Variants in POLK observed in about 807,000 individuals in gnomAD.
POLK encodes polymerase (DNA directed) kappa.
A neutral mutation model predicts 94.0 loss-of-function variants in POLK; 76 were observed. The observed-to-expected ratio is 0.81, with a 90% CI of 0.67 to 0.98. The LOEUF is 0.98. Ranked by LOEUF, POLK falls within the 50% of genes least tolerant of loss-of-function variation. The pLI, the probability that POLK is intolerant of heterozygous loss-of-function variation, is 0.00. For missense variants in POLK, 954 were observed against 1,010.1 expected, an observed-to-expected ratio of 0.94 and a Z score of 0.75; for synonymous variants, 349 against 325.4, an observed-to-expected ratio of 1.07 and a Z score of -0.78.
chr5:75,517,935 A>G (rs2112525271), intron 1 of POLK, among the ~76,000 whole-genome samples: 1 of 152,334 alleles, frequency 6.6e-6, no homozygotes, highest in Middle Eastern at 3.4e-3. Flanking sequence ...GTGATGTATC[A>G]TGTTTATTGA....
intron 7 of POLK, chr5:75,582,198 A>G: frequency 4.6e-6 from 4 of 874,252 alleles, no homozygotes; most frequent in Non-Finnish European, 5.5e-6. Context: ...ACAAATTTAC[A>G]TATGTTGATA....
intron 10 of POLK, among the ~76,000 whole-genome samples, chr5:75,588,097 GA>G (rs376262445): frequency 0.016 from 2,296 of 147,932 alleles, 57 homozygotes; most frequent in African/African-American, 0.051. Context: ...AAGAGAGAGA[GA>G]AAAAAAAAAT....
chr5:75,511,865 G>A, exon 1 of POLK: 1 of 1,525,950 alleles, frequency 6.6e-7, no homozygotes, highest in Non-Finnish European at 8.8e-7. Context: ...GCGTTGGTCC[G>A]TCGCTCGCGC....
Position 75,586,417 on chromosome 5 carries a change from A to G in POLK, c.1227-609A>G, listed in dbSNP as rs1238427944. 2.6e-5 allele frequency among the ~76,000 whole-genome samples: 4 copies of G among 152,166 alleles called. No homozygotes were observed. The South Asian group carries it at 6.2e-4, about 24-fold the overall frequency. On this transcript the variant is annotated intron_variant, in intron 9 of 14. Coordinates refer to ENST00000241436, the Ensembl canonical transcript of POLK. ...CAAGTTCTAGAACAGTGCTTGAATC[A>G]TAATAGGTTCACTAAATATTTGGAA... is the stretch of plus-strand genomic sequence containing the variant.
At chr5:75,545,800 G>A (rs904513342) in intron 1 of POLK, among the ~76,000 whole-genome samples, 5 of 152,186 alleles carry the variant, frequency 3.3e-5, no homozygotes, top group African/African-American at 4.8e-5. Flanking sequence ...GGGTAGAAAC[G>A]TAAGTTTTCT....
downstream of POLK, among the ~76,000 whole-genome samples, chr5:75,604,904 C>T (rs747895122): frequency 1.3e-5 from 2 of 152,136 alleles, no homozygotes; most frequent in African/African-American, 2.4e-5. Context: ...ATCATGGTGA[C>T]TATTGGCAAC....
intron 4 of POLK, among the ~76,000 whole-genome samples, chr5:75,570,171 G>A (rs928475489): frequency 6.6e-6 from 1 of 152,188 alleles, no homozygotes; most frequent in Non-Finnish European, 1.5e-5. Context: ...GTTAGGAACT[G>A]CTGCTTTAAG....
At chr5:75,523,982 T>G (rs1390016101) in intron 1 of POLK, among the ~76,000 whole-genome samples, 1 of 151,948 alleles carries the variant, frequency 6.6e-6, no homozygotes, top group Non-Finnish European at 1.5e-5. Flanking sequence ...ATGCAAAAAT[T>G]AGCCAGATGT....
intron 3 of POLK, among the ~76,000 whole-genome samples, chr5:75,563,148 G>A (rs1397827076): frequency 1.3e-5 from 2 of 152,002 alleles, no homozygotes; most frequent in African/African-American, 4.8e-5. Context: ...TTTTAGTAGA[G>A]GTGGGGTTTC....
At chr5:75,575,281 G>GCAAT (rs5744645) in intron 5 of POLK, among the ~76,000 whole-genome samples, 2 of 152,126 alleles carry the variant, frequency 1.3e-5, no homozygotes, top group Non-Finnish European at 2.9e-5. Context: ...CTTGAGTTAA[G>GCAAT]CAATCCTCTG....
intron 3 of POLK, among the ~76,000 whole-genome samples, chr5:75,563,325 G>A (rs1312806325): frequency 2.6e-5 from 4 of 151,962 alleles, no homozygotes. Context: ...TGCTTATTTT[G>A]TTAATCTTTT....
chr5:75,534,875 G>A (rs1769369500), intron 1 of POLK: 2 of 152,176 alleles, frequency 1.3e-5, no homozygotes, highest in Admixed American at 1.3e-4. Flanking sequence ...CATTGCATGT[G>A]ATATGGGTCT....
chr5:75,581,826 C>T (rs1269656433), intron 7 of POLK: 1 of 187,092 alleles, frequency 5.3e-6, no homozygotes, highest in East Asian at 1.6e-4. Flanking sequence ...ACTACAGGCG[C>T]ATGCCACCAT....
intron 12 of POLK, among the ~76,000 whole-genome samples, chr5:75,595,123 G>A (rs1308755081): frequency 1.3e-5 from 2 of 151,748 alleles, no homozygotes; most frequent in Non-Finnish European, 2.9e-5. Context: ...ATGGTGGCGG[G>A]CACCTGTAAT....
exon 15 of POLK, chr5:75,599,870 CT>C (rs1423902379): frequency 1.3e-5 from 2 of 152,084 alleles, no homozygotes; most frequent in Non-Finnish European, 2.9e-5. Flanking sequence ...TATGCCTTCA[CT>C]TTTGTTTTCT....
chr5:75,557,242 A>G (rs1171991523), intron 3 of POLK, among the ~76,000 whole-genome samples: 1 of 152,208 alleles, frequency 6.6e-6, no homozygotes, highest in Non-Finnish European at 1.5e-5. Flanking sequence ...ACTTTATAGT[A>G]AGTCTTGAAG....
chr5:75,530,134 G>A (rs987164327), intron 1 of POLK, among the ~76,000 whole-genome samples: 5 of 151,720 alleles, frequency 3.3e-5, no homozygotes, highest in African/African-American at 1.2e-4. Flanking sequence ...TATGATTATT[G>A]AAGGAATTAC....
chr5:75,522,568 T>G (rs1276232352), intron 1 of POLK, among the ~76,000 whole-genome samples: 2 of 152,200 alleles, frequency 1.3e-5, no homozygotes, highest in Non-Finnish European at 1.5e-5. Context: ...TTCAAAGATG[T>G]TATACTGCGG....
chr5:75,590,444 C>A lies in POLK; in HGVS notation c.1356+4C>A. On this transcript the variant is annotated splice_donor_region_variant and intron_variant, in intron 11 of 14. Transcript: ENST00000241436. ...TCTACAGAAAGAAAGACTTAAGGTGCTTTATTTTGATATGGTGTCCTTAGT... is the reference window on the plus strand; with the variant it reads ...TCTACAGAAAGAAAGACTTAAGGTGATTTATTTTGATATGGTGTCCTTAGT... The A allele has an allele frequency of 3.2e-6, 5 of 1,566,500 alleles. No homozygotes were observed. The highest frequency in any genetic ancestry group is 1.4e-5 in the African/African-American group (1 of 73,962).
Sources: gnomAD v4.1 joint callset for allele counts (sites outside exome capture counted in the v4.1 genomes callset) on GRCh38, gnomAD v4.1.1 for gene constraint, MANE v1.5 for transcripts, NCBI Gene and HGNC (gene_info 2026-07-23, HGNC 2026-07-21) for gene names.